The following PTK2 variants were observed in gnomAD, a reference collection of about 807,000 sequenced individuals.
PTK2 encodes focal adhesion kinase 1.
PTK2 carries 45 observed loss-of-function variants against 150.1 expected under a neutral mutation model. The ratio of observed to expected loss-of-function variants is 0.30; its 90% CI spans 0.24 to 0.38. The LOEUF (loss-of-function observed/expected upper bound fraction) is 0.38. Among genes scored for constraint, PTK2 ranks in the 10% least tolerant of loss-of-function variants. The pLI, the probability that PTK2 is intolerant of heterozygous loss-of-function variation, is 1.00. For missense variants in PTK2, 919 were observed against 1,307.3 expected, an observed-to-expected ratio of 0.70 and a Z score of 4.58; for synonymous variants, 432 against 449.2, an observed-to-expected ratio of 0.96 and a Z score of 0.48.
chr8:140,674,015 G>C, intron 29 of PTK2: 3 of 544,160 alleles, frequency 5.5e-6, no homozygotes, highest in Non-Finnish European at 1.1e-5. Context: ...CATTCTGTCT[G>C]ATCAGAGGAA....
intron 14 of PTK2, among the ~76,000 whole-genome samples, chr8:140,787,844 G>C (rs151091932): frequency 6.6e-6 from 1 of 152,118 alleles, no homozygotes; most frequent in South Asian, 2.1e-4. Context: ...GCAAGAAGAC[G>C]GACCAAAGGG....
chr8:140,789,579 C>A, intron 13 of PTK2, 53 bp from the exon 14 acceptor site: 4 of 1,566,468 alleles, frequency 2.6e-6, no homozygotes, highest in East Asian at 2.3e-5. Flanking sequence ...CAGGACCCCG[C>A]AACTCGGCCT....
chr8:140,717,841 G>A (rs549372232), intron 22 of PTK2, 132 bp from the exon 26 acceptor site: 2 of 645,572 alleles, frequency 3.1e-6, no homozygotes, highest in African/African-American at 3.6e-5. Context: ...CCTATACACA[G>A]GGGAAAGAAG....
At chr8:140,824,299 A>C (rs2100110592) in intron 8 of PTK2, among the ~76,000 whole-genome samples, 1 of 152,230 alleles carries the variant, frequency 6.6e-6, no homozygotes, top group Non-Finnish European at 1.5e-5. Flanking sequence ...TGAATGTGGG[A>C]AAACATGCTG....
At chr8:140,915,643 T>A (rs1392478663) in intron 2 of PTK2, among the ~76,000 whole-genome samples, 1 of 151,982 alleles carries the variant, frequency 6.6e-6, no homozygotes, top group African/African-American at 2.4e-5. Context: ...ACGCCTGTAA[T>A]CCCAGCACTT....
chr8:140,901,519 C>T (rs1011596923), intron 2 of PTK2, among the ~76,000 whole-genome samples: 1 of 152,066 alleles, frequency 6.6e-6, no homozygotes, highest in Non-Finnish European at 1.5e-5. Flanking sequence ...TTTGCACCTA[C>T]CCATCTGACA....
At chr8:140,702,700 C>A in exon 25 of PTK2, 1 of 1,613,636 alleles carries the variant, frequency 6.2e-7, no homozygotes, top group Non-Finnish European at 8.5e-7. Flanking sequence ...ACCAGGGTAG[C>A]CAGAAACCTG....
chr8:140,747,149 C>CA, intron 17 of PTK2: 1 of 258,778 alleles, frequency 3.9e-6, no homozygotes, highest in Non-Finnish European at 7.4e-6. Context: ...CTTGGCCTCC[C>CA]AAAGTGCTGG....
chr8:141,000,127 C>CAA (rs58481152), intron 1 of PTK2, among the ~76,000 whole-genome samples: 38 of 123,774 alleles, frequency 3.1e-4, no homozygotes, highest in African/African-American at 1.1e-3. Context: ...ACACACACAC[C>CAA]CCTTCTTCTA....
chr8:140,811,415 A>G (rs533427059), intron 10 of PTK2, among the ~76,000 whole-genome samples: 1 of 152,338 alleles, frequency 6.6e-6, no homozygotes, highest in East Asian at 1.9e-4. Context: ...GCAAAAATAC[A>G]AAGGTCAGCA....
At chr8:140,773,878 G>A (rs1039074803) in intron 14 of PTK2, among the ~76,000 whole-genome samples, 4 of 152,108 alleles carry the variant, frequency 2.6e-5, no homozygotes, top group Non-Finnish European at 5.9e-5. Context: ...TTCAACAATT[G>A]CTCCGGGCCC....
chr8:140,685,135 C>A (rs554681487), intron 27 of PTK2, among the ~76,000 whole-genome samples: 3 of 152,226 alleles, frequency 2.0e-5, no homozygotes, highest in South Asian at 2.1e-4. Flanking sequence ...CAAAAACAAG[C>A]AATGGGGAAA....
At chr8:140,910,004 AT>A (rs781020511) in intron 2 of PTK2, among the ~76,000 whole-genome samples, 17 of 152,230 alleles carry the variant, frequency 1.1e-4, no homozygotes, top group Non-Finnish European at 2.5e-4. Flanking sequence ...ATTAAAAAAA[AT>A]ATGGGTTTTT....
intron 2 of PTK2, among the ~76,000 whole-genome samples, chr8:140,919,921 CTG>C (rs2100166756): frequency 1.3e-5 from 2 of 152,060 alleles, no homozygotes; most frequent in Non-Finnish European, 2.9e-5. Flanking sequence ...AATGGTGAAA[CTG>C]TAGTTTGGTG....
chr8:140,919,420 A>G (rs1274415534), intron 2 of PTK2, among the ~76,000 whole-genome samples: 4 of 152,252 alleles, frequency 2.6e-5, no homozygotes, highest in African/African-American at 9.6e-5. Context: ...ACGGTTTTAA[A>G]GTCACACTGA....
chr8:140,848,676 T>C (rs2100127196), intron 5 of PTK2, among the ~76,000 whole-genome samples: 1 of 152,226 alleles, frequency 6.6e-6, no homozygotes, highest in Non-Finnish European at 1.5e-5. Context: ...TAGAAGCTCT[T>C]GTTTCTACAA....
intron 18 of PTK2, 22 bp downstream of exon 21, chr8:140,746,738 T>G: frequency 6.4e-7 from 1 of 1,550,988 alleles, no homozygotes; most frequent in Non-Finnish European, 8.8e-7. Context: ...GTCCAGAAGG[T>G]AAGATTTGGG....
In PTK2 at chr8:140,952,549, C is replaced by A. The variant is rs1343277231; in HGVS notation, c.-121-26800G>T. 3.3e-5 allele frequency among the ~76,000 whole-genome samples: 5 copies of A among 152,262 alleles called. No homozygotes were observed. The South Asian group carries it at 1.0e-3, about 32-fold the overall frequency. On this transcript the variant is annotated intron_variant, in intron 1 of 31. Transcript: ENST00000522684. ...AAAAGAGAACAAAGAAAGATGTGAACTGACACTCATGTGGAAATTAAAAAA... is the reference window on the plus strand; with the variant it reads ...AAAAGAGAACAAAGAAAGATGTGAAATGACACTCATGTGGAAATTAAAAAA...
intron 12 of PTK2, among the ~76,000 whole-genome samples, chr8:140,798,537 T>C (rs2100093033): frequency 1.3e-5 from 2 of 152,222 alleles, no homozygotes; most frequent in Non-Finnish European, 2.9e-5. Context: ...ATGTTTGATA[T>C]CCAAATGTTT....
Sources: allele counts gnomAD v4.1 joint callset (sites outside exome capture counted in the v4.1 genomes callset), GRCh38; gene constraint gnomAD v4.1.1; transcripts MANE v1.5; gene names NCBI Gene and HGNC (gene_info 2026-07-23, HGNC 2026-07-21).